NUCB1: variants seen among roughly 807,000 people sequenced by gnomAD.
NUCB1 encodes the protein nucleobindin-1.
Under a neutral mutation model 61.2 loss-of-function variants are expected in NUCB1, and 47 were observed. That is an observed-to-expected ratio of 0.77 (90% CI 0.61 to 0.98). The LOEUF (loss-of-function observed/expected upper bound fraction) is 0.98. Ranked by LOEUF, NUCB1 falls within the 50% of genes least tolerant of loss-of-function variation. The pLI is 0.00. For synonymous variants in NUCB1, 234 were observed against 243.1 expected, an observed-to-expected ratio of 0.96 and a Z score of 0.35; for missense variants, 583 against 605.3, an observed-to-expected ratio of 0.96 and a Z score of 0.39.
rs538587705 is a variant in NUCB1, at chr19:48,911,097, G to T, written c.377-52G>T. The T allele has an allele frequency of 1.7e-5, 23 of 1,333,328 alleles. No individual in the cohort carries two copies. The South Asian group carries it at 2.7e-4, about 15-fold the overall frequency. The allele number at this position is 1,333,328 out of a possible 1,614,324, so 82.6% of individuals were successfully genotyped here. A position where few individuals can be genotyped will look rare whatever the true frequency, so the allele number is the denominator to read the frequency against. On this transcript the variant is annotated intron_variant, in intron 4 of 12. Transcript: ENST00000405315. ...TTTGGATCATGTCTGGCCCAAGATG[G>T]GGGTTCTGAAAGAACATGCCCTCAG...
intron 2 of NUCB1, among the ~76,000 whole-genome samples, chr19:48,903,758 G>T (rs1407934327): frequency 7.7e-6 from 1 of 130,270 alleles, no homozygotes; most frequent in East Asian, 2.7e-4. Context: ...GGATGGATGG[G>T]TGGGTGGATG....
chr19:48,919,894 G>T (rs2037590110), intron 10 of NUCB1, among the ~76,000 whole-genome samples: 1 of 151,042 alleles, frequency 6.6e-6, no homozygotes, highest in Non-Finnish European at 1.5e-5. Context: ...TCAGCCTCAT[G>T]AGTAGCTGGG....
At chr19:48,918,835 CTT>C in intron 8 of NUCB1, 51 bp downstream of exon 8, 1 of 1,527,562 alleles carries the variant, frequency 6.5e-7, no homozygotes, top group South Asian at 1.1e-5. Flanking sequence ...AAATCAGCCA[CTT>C]GTTTCCTCCT....
chr19:48,911,576 T>G (rs2037474467), intron 5 of NUCB1, among the ~76,000 whole-genome samples: 1 of 151,848 alleles, frequency 6.6e-6, no homozygotes, highest in South Asian at 2.1e-4. Flanking sequence ...CAGAAAATTT[T>G]TGTATTTTTA....
At chr19:48,901,136 C>A in intron 2 of NUCB1, 1 of 630,146 alleles carries the variant, frequency 1.6e-6, no homozygotes, top group Non-Finnish European at 2.9e-6. Flanking sequence ...GGAAAATCTG[C>A]ATCACGCCCC....
chr19:48,919,154 G>A (rs1353725766), intron 9 of NUCB1, 32 bp downstream of exon 9: 1 of 1,613,564 alleles, frequency 6.2e-7, no homozygotes, highest in Non-Finnish European at 8.5e-7. Context: ...GGAGAGGACG[G>A]GCCCCCAGCT....
chr19:48,901,681 G>C (rs1045855242), intron 2 of NUCB1, among the ~76,000 whole-genome samples: 7 of 152,162 alleles, frequency 4.6e-5, no homozygotes, highest in Admixed American at 3.9e-4. Context: ...ACGAATTCTC[G>C]TGCTGGAACC....
At chr19:48,900,693 G>T in intron 1 of NUCB1, 93 bp from the exon 2 acceptor site, 1 of 1,469,850 alleles carries the variant, frequency 6.8e-7, no homozygotes, top group Non-Finnish European at 9.2e-7. Context: ...TCTTGGAAGT[G>T]GGGGCGGCGC....
chr19:48,913,672 C>G, intron 7 of NUCB1, 108 bp downstream of exon 7: 1 of 860,968 alleles, frequency 1.2e-6, no homozygotes, highest in Non-Finnish European at 1.9e-6. Context: ...TTAGTCAGGC[C>G]CAAGAGCCAA....
intron 4 of NUCB1, among the ~76,000 whole-genome samples, chr19:48,906,403 C>CA (rs550726351): frequency 0.027 from 3,077 of 115,824 alleles, 54 homozygotes; most frequent in Middle Eastern, 0.046. Flanking sequence ...AACTCTGACT[C>CA]AAAAAAAAAA....
At chr19:48,902,309 C>T (rs1179465979) in intron 2 of NUCB1, among the ~76,000 whole-genome samples, 2 of 151,858 alleles carry the variant, frequency 1.3e-5, no homozygotes, top group African/African-American at 4.8e-5. Context: ...CGGAGTTTCA[C>T]CATGTTGGCC....
chr19:48,921,101 G>C, intron 10 of NUCB1, 53 bp from the exon 11 acceptor site: 1 of 1,540,884 alleles, frequency 6.5e-7, no homozygotes, highest in Non-Finnish European at 8.8e-7. Context: ...CTCCAACATG[G>C]GTGGGCCGAG....
chr19:48,921,339 A>G lies in NUCB1; in HGVS notation c.1173+15A>G. On this transcript the variant is annotated intron_variant, in intron 11 of 12. Transcript: ENST00000405315. Reference sequence around the variant, plus strand: ...AGCTGCAGCAGGTGACAGCGGGGGAAGCTGCTTCCATCCACTGAATCTCTG... The same window carrying G: ...AGCTGCAGCAGGTGACAGCGGGGGAGGCTGCTTCCATCCACTGAATCTCTG... 1 of 1,566,208 alleles carries G rather than the reference A, an allele frequency of 6.4e-7. No individual in the cohort carries two copies. The highest frequency in any genetic ancestry group is 8.6e-7 in the Non-Finnish European group (1 of 1,156,110).
chr19:48,914,120 CAT>C (rs2037511936), intron 7 of NUCB1, among the ~76,000 whole-genome samples: 10 of 151,938 alleles, frequency 6.6e-5, no homozygotes, highest in Non-Finnish European at 1.0e-4. Flanking sequence ...GGATTACAGG[CAT>C]GCACCACCAT....
At chr19:48,907,624 C>T (rs903749356) in intron 4 of NUCB1, among the ~76,000 whole-genome samples, 4 of 152,270 alleles carry the variant, frequency 2.6e-5, no homozygotes, top group Non-Finnish European at 4.4e-5. Context: ...CCCCTTAGCC[C>T]GGAAAGGTCA....
chr19:48,901,179 A>G (rs1303694295), intron 2 of NUCB1: 1 of 603,592 alleles, frequency 1.7e-6, no homozygotes, highest in Admixed American at 3.0e-5. Context: ...GATTCTCTCC[A>G]CCCAAGAAGG....
At chr19:48,903,850 A>AGG (rs2037381810) in intron 2 of NUCB1, among the ~76,000 whole-genome samples, 2 of 117,282 alleles carry the variant, frequency 1.7e-5, no homozygotes, top group Non-Finnish European at 3.5e-5. Flanking sequence ...GGATGGATGG[A>AGG]TGGATGAGTG....
At position 48,917,962 on chromosome 19, in the gene NUCB1, T is replaced by A. The variant is rs558200610; in HGVS notation, c.758-764T>A. Among the ~76,000 whole-genome samples, 10 of 152,180 alleles carry A rather than the reference T, an allele frequency of 6.6e-5. No individual in the cohort carries two copies. The South Asian group carries it at 1.9e-3, about 28-fold the overall frequency. ...GCCCCTACATTTTCTTTAATCTTAA[T>A]CAATTTACATTTAAACAGCCCATGT... On this transcript the variant is annotated intron_variant, in intron 7 of 12. Transcript: ENST00000405315.
At chr19:48,903,690 G>A (rs12984328) in intron 2 of NUCB1, among the ~76,000 whole-genome samples, 6 of 87,850 alleles carry the variant, frequency 6.8e-5, no homozygotes, top group South Asian at 4.6e-4. Context: ...GGATGGATGG[G>A]TGGGTGGATG....
Sources: allele counts gnomAD v4.1 joint callset (sites outside exome capture counted in the v4.1 genomes callset), GRCh38; gene constraint gnomAD v4.1.1; transcripts MANE v1.5; gene names NCBI Gene and HGNC (gene_info 2026-07-23, HGNC 2026-07-21).